ZNG1A: variants seen among roughly 807,000 people sequenced by gnomAD.
ZNG1A encodes zinc-regulated GTPase metalloprotein activator 1A.
chr9:154,331 G>T, the ZNG1A span: 1 of 340,196 alleles, frequency 2.9e-6, no homozygotes, highest in Middle Eastern at 8.0e-4. Flanking sequence ...GGGATTGGCA[G>T]AGTGAGAATA....
chr9:135,233 C>A, the ZNG1A span, among the ~76,000 whole-genome samples: 29,339 of 150,418 alleles, frequency 0.2, 3,287 homozygotes, highest in Admixed American at 0.27. Context: ...TTAAAAAAAA[C>A]CACACATTCA....
chr9:140,095 G>A, the ZNG1A span, among the ~76,000 whole-genome samples: 1 of 150,750 alleles, frequency 6.6e-6, no homozygotes, highest in Non-Finnish European at 1.5e-5. Flanking sequence ...GAGGGGCGCT[G>A]GCCATTGCCC....
At chr9:149,541 C>T in the ZNG1A span, 1 of 151,456 alleles carries the variant, frequency 6.6e-6, no homozygotes, top group Admixed American at 6.6e-5. Flanking sequence ...ATCATTCCCT[C>T]TATTTTCCTA....
At chr9:135,434 G>C in the ZNG1A span, among the ~76,000 whole-genome samples, 1 of 100,678 alleles carries the variant, frequency 9.9e-6, no homozygotes. Context: ...AATAATGCTG[G>C]CACCTAAAGA....
At chr9:161,923 T>C in the ZNG1A span, among the ~76,000 whole-genome samples, 1 of 151,404 alleles carries the variant, frequency 6.6e-6, no homozygotes, top group East Asian at 1.9e-4. Context: ...AATTTTAAGT[T>C]CCAGGGTACA....
chr9:174,943 C>G, the ZNG1A span, among the ~76,000 whole-genome samples: 3 of 150,940 alleles, frequency 2.0e-5, no homozygotes, highest in Admixed American at 1.3e-4. Context: ...CATATGTTTA[C>G]CTTTATTTTT....
chr9:159,867 T>A, the ZNG1A span: 1 of 351,762 alleles, frequency 2.8e-6, no homozygotes, highest in South Asian at 2.2e-5. Context: ...ACTATTTTAG[T>A]TTTTAAAAAA....
chr9:176,784 G>C, the ZNG1A span, among the ~76,000 whole-genome samples: 3 of 151,688 alleles, frequency 2.0e-5, no homozygotes, highest in Non-Finnish European at 4.4e-5. Flanking sequence ...GAAAGGAAAG[G>C]GTGAATGTAA....
chr9:142,720 C>CA, the ZNG1A span, among the ~76,000 whole-genome samples: 1 of 143,272 alleles, frequency 7.0e-6, no homozygotes. Context: ...AATAGAGACA[C>CA]AAAAAACCCT....
At chr9:166,674 A>G in the ZNG1A span, 1 of 152,716 alleles carries the variant, frequency 6.5e-6, no homozygotes, top group Non-Finnish European at 1.5e-5. Flanking sequence ...AAGAAGCAGA[A>G]TAAGATGAAA....
chr9:170,376 T>C, the ZNG1A span, among the ~76,000 whole-genome samples: 5,285 of 135,790 alleles, frequency 0.039, 425 homozygotes, highest in African/African-American at 0.15. Flanking sequence ...TGTGTGTGTG[T>C]GCGCATGTGC....
chr9:122,546 T>C, the ZNG1A span: 1 of 1,030,270 alleles, frequency 9.7e-7, no homozygotes, highest in African/African-American at 1.7e-5. Context: ...AATGATGAAA[T>C]AAAGAAAAAC....
At chr9:128,766 T>C in the ZNG1A span, among the ~76,000 whole-genome samples, 1 of 150,706 alleles carries the variant, frequency 6.6e-6, no homozygotes, top group African/African-American at 2.5e-5. Context: ...TTTGTCATAC[T>C]ACCAGGGTCG....
chr9:157,566 G>A, the ZNG1A span, among the ~76,000 whole-genome samples: 1 of 143,226 alleles, frequency 7.0e-6, no homozygotes, highest in Non-Finnish European at 1.5e-5. Flanking sequence ...TATGGGAGAT[G>A]GCTATTTTCA....
At chr9:164,832 G>A in the ZNG1A span, among the ~76,000 whole-genome samples, 6 of 152,106 alleles carry the variant, frequency 3.9e-5, no homozygotes, top group East Asian at 3.9e-4. Flanking sequence ...TCATTCCAGC[G>A]TCTAAAGCTG....
the ZNG1A span, among the ~76,000 whole-genome samples, chr9:173,665 G>A: frequency 2.0e-5 from 3 of 151,954 alleles, no homozygotes; most frequent in Admixed American, 6.6e-5. Flanking sequence ...CTATCTTGAA[G>A]GCATTTTTTT....
chr9:178,918 C>A, the ZNG1A span: 2 of 1,138,150 alleles, frequency 1.8e-6, 1 homozygote, highest in Non-Finnish European at 2.5e-6. Context: ...TCAGGACAAT[C>A]CTCCTCCGCA....
chr9:140,703 C>T, the ZNG1A span, among the ~76,000 whole-genome samples: 1 of 151,994 alleles, frequency 6.6e-6, no homozygotes, highest in South Asian at 2.1e-4. Flanking sequence ...ATGACTTTGA[C>T]GAGCTGAGAG....
the ZNG1A span, among the ~76,000 whole-genome samples, chr9:157,603 C>T: frequency 2.7e-5 from 4 of 148,806 alleles, no homozygotes; most frequent in African/African-American, 1.0e-4. Context: ...CTAAATCTAA[C>T]ACCCTCATCA....
Sources: gnomAD v4.1 joint callset for allele counts (sites outside exome capture counted in the v4.1 genomes callset) on GRCh38, gnomAD v4.1.1 for gene constraint, MANE v1.5 for transcripts, NCBI Gene and HGNC (gene_info 2026-07-23, HGNC 2026-07-21) for gene names.